ZNF333: variants seen among roughly 807,000 people sequenced by gnomAD.
ZNF333 encodes zinc finger protein 333.
In ZNF333, 61 loss-of-function variants were observed where a neutral mutation model predicts 76.1. That is an observed-to-expected ratio of 0.80 (90% CI 0.65 to 0.99). The LOEUF is 0.99. Among genes scored for constraint, ZNF333 ranks in the 50% least tolerant of loss-of-function variants. The pLI, the probability that ZNF333 is intolerant of heterozygous loss-of-function variation, is 0.00. For synonymous variants in ZNF333, 284 were observed against 305.0 expected (o/e 0.93, Z 0.72); for missense variants, 717 against 822.4 (o/e 0.87, Z 1.57).
rs1324554405 is a variant in ZNF333, at chr19:14,705,121, G to A, written c.374G>A (p.Arg125Gln). The change falls in exon 6 of 12, where the codon CGA becomes CAA. Residue 125 changes from arginine to glutamine, a missense_variant. Transcript: ENST00000292530. ...SIEERETPLTREDRPALQEPP... is the reference protein window; with the variant it reads ...SIEERETPLTQEDRPALQEPP... ...GAAGAGAGGGAGACACCATTGACTC[G>A]AGAGGACCGGCCAGCTCTCCAGGAG... 7.4e-6 allele frequency: 12 copies of A among 1,613,824 alleles called. No homozygotes were observed. Among genetic ancestry groups the A allele is most frequent in the East Asian group, 2.2e-5 (1 of 44,872 alleles).
At chr19:14,699,976 T>A (rs1973561013) in intron 5 of ZNF333, among the ~76,000 whole-genome samples, 1 of 151,954 alleles carries the variant, frequency 6.6e-6, no homozygotes, top group Admixed American at 6.6e-5. Flanking sequence ...CTGGCACAGA[T>A]ATTGGCGAGC....
downstream of ZNF333, among the ~76,000 whole-genome samples, chr19:14,722,512 C>T (rs2042601885): frequency 6.6e-6 from 1 of 152,146 alleles, no homozygotes; most frequent in Non-Finnish European, 1.5e-5. Context: ...ATATTAACCC[C>T]TTATCAGATA....
intron 7 of ZNF333, among the ~76,000 whole-genome samples, chr19:14,711,489 G>A (rs2042273851): frequency 6.6e-6 from 1 of 152,020 alleles, no homozygotes; most frequent in Admixed American, 6.6e-5. Flanking sequence ...GGGCAACATA[G>A]CGAGACCCCA....
At chr19:14,729,643 C>T (rs141776622) in intron 11 of ZNF333, among the ~76,000 whole-genome samples, 2,227 of 152,152 alleles carry the variant, frequency 0.015, 21 homozygotes, top group Middle Eastern at 0.034. Flanking sequence ...TGAACCACTG[C>T]GCCCGGTGGG....
intron 5 of ZNF333, among the ~76,000 whole-genome samples, chr19:14,702,912 C>T (rs1016505655): frequency 1.3e-5 from 2 of 152,020 alleles, no homozygotes; most frequent in African/African-American, 4.8e-5. Context: ...CTTATAAAAC[C>T]ATCAGATCGT....
At chr19:14,692,568 C>T (rs3861314) in intron 1 of ZNF333, among the ~76,000 whole-genome samples, 11,122 of 152,010 alleles carry the variant, frequency 0.073, 578 homozygotes, top group African/African-American at 0.15. Context: ...GGCTGGAGTG[C>T]AGTGTGGGAT....
chr19:14,706,881 T>A, intron 7 of ZNF333, 108 bp downstream of exon 7: 1 of 901,888 alleles, frequency 1.1e-6, no homozygotes, highest in South Asian at 1.7e-5. Context: ...CTGCAGGCAC[T>A]GCCGTGGCAC....
chr19:14,730,515 CTTTT>C (rs989348188), intron 11 of ZNF333, among the ~76,000 whole-genome samples: 1 of 150,888 alleles, frequency 6.6e-6, no homozygotes, highest in Non-Finnish European at 1.5e-5. Context: ...TATCTCCTTT[CTTTT>C]TCTTTGTCTT....
At chr19:14,701,554 C>T (rs1008075593) in intron 5 of ZNF333, 3 of 984,828 alleles carry the variant, frequency 3.0e-6, no homozygotes, top group Non-Finnish European at 3.6e-6. Flanking sequence ...AGTTCCCATC[C>T]TCCACCTCCA....
At chr19:14,693,426 T>G (rs1185918552) in intron 1 of ZNF333, 25 bp from the exon 2 acceptor site, 1 of 1,562,226 alleles carries the variant, frequency 6.4e-7, no homozygotes, top group Non-Finnish European at 8.7e-7. Context: ...CCCCTTCTTT[T>G]ACCTCAGTGT....
chr19:14,726,400 G>A (rs939087850), downstream of ZNF333, among the ~76,000 whole-genome samples: 3 of 152,158 alleles, frequency 2.0e-5, no homozygotes, highest in Admixed American at 6.5e-5. Flanking sequence ...TTTTAGTCAC[G>A]TTAGTCTCTT....
intron 7 of ZNF333, chr19:14,707,313 A>G (rs1479079295): frequency 6.6e-6 from 1 of 151,734 alleles, no homozygotes; most frequent in Non-Finnish European, 1.5e-5. Context: ...AGGCTGAGGC[A>G]GGAGGATCGC....
intron 5 of ZNF333, chr19:14,701,841 C>A (rs79942450): frequency 3.6e-5 from 35 of 985,342 alleles, no homozygotes; most frequent in Non-Finnish European, 3.6e-5. Context: ...TATGGACACA[C>A]GTTTAGAGAA....
rs184328006 is a variant in ZNF333 at position 14,699,746 on chromosome 19, G to A, written c.306+465G>A. On this transcript the variant is annotated intron_variant, in intron 5 of 11. Coordinates refer to ENST00000292530, the MANE Select transcript of ZNF333 (RefSeq NM_032433.4). Reference sequence around the variant, plus strand: ...TTTTTTTCTAGAAGGTTTCCTGAAGGAAACATTTTAATAAATGTGAGTCAG... The same window carrying A: ...TTTTTTTCTAGAAGGTTTCCTGAAGAAAACATTTTAATAAATGTGAGTCAG... Among the ~76,000 whole-genome samples the A allele has an allele frequency of 5.3e-5, 8 of 152,174 alleles. No individual in the cohort carries two copies. In the East Asian group the frequency reaches 1.5e-3, roughly 29 times the overall value.
In ZNF333 at chr19:14,719,096, A is replaced by G. The variant is rs2042528745; in HGVS notation, c.1769A>G (p.Tyr590Cys). 6 of 1,614,164 alleles carry G rather than the reference A, an allele frequency of 3.7e-6. No individual in the cohort carries two copies. The highest frequency in any genetic ancestry group is 2.2e-5 in the East Asian group (1 of 44,876). ...AGGACTCACAGTGGCAAGAAGCCCT[A>G]TGCATGCCAGGAATGCGGGCGAGCC... ...HARTHSGKKPYACQECGRAFG... is the reference protein window; with the variant it reads ...HARTHSGKKPCACQECGRAFG... The change falls in exon 12 of 12, where the codon TAT (tyrosine) becomes TGT (cysteine). Residue 590 changes from tyrosine (Y) to cysteine (C), a missense_variant. Coordinates refer to ENST00000292530, the MANE Select transcript of ZNF333 (RefSeq NM_032433.4).
At chr19:14,706,619 G>A (rs2042117454) in intron 6 of ZNF333, 67 bp from the exon 7 acceptor site, 1 of 1,198,580 alleles carries the variant, frequency 8.3e-7, no homozygotes, top group South Asian at 1.2e-5. Context: ...TTCATTTGGG[G>A]TGAGCAGGTG....
chr19:14,706,242 T>C (rs1035286617), intron 6 of ZNF333: 1 of 451,604 alleles, frequency 2.2e-6, no homozygotes. Flanking sequence ...CAGACGTGTT[T>C]CCTGAGCGAG....
rs781089430 is a variant in ZNF333, at chr19:14,721,776, C to T, written c.*2451C>T. 2 of 152,056 alleles carry T rather than the reference C, an allele frequency of 1.3e-5. No homozygotes were observed. The highest frequency in any genetic ancestry group is 2.9e-5 in the Non-Finnish European group (2 of 67,990). 9.4% of individuals were successfully genotyped at this position (152,056 alleles called of 1,614,324 possible). A position where few individuals can be genotyped will look rare whatever the true frequency, so the allele number is the denominator to read the frequency against. On this transcript the variant is annotated 3_prime_UTR_variant, in exon 12 of 12. Transcript: ENST00000292530. ...AGTATTCCATTGTGTAGATATACCA[C>T]ATTTTCTTTATCCATTCATCCACCG...
exon 12 of ZNF333, chr19:14,731,406 C>G (rs773654773): frequency 1.7e-6 from 1 of 574,304 alleles, no homozygotes; most frequent in Non-Finnish European, 3.1e-6. Flanking sequence ...TTCTGGCTTC[C>G]GGATTGTAGG....
Sources: gnomAD v4.1 joint callset for allele counts (sites outside exome capture counted in the v4.1 genomes callset) on GRCh38, gnomAD v4.1.1 for gene constraint, MANE v1.5 for transcripts, NCBI Gene and HGNC (gene_info 2026-07-23, HGNC 2026-07-21) for gene names.